Variants in PCDHA3 observed in about 807,000 individuals in gnomAD.
PCDHA3 encodes the protein protocadherin alpha 3, also known as protocadherin alpha-3.
In PCDHA3, 41 loss-of-function variants were observed where a neutral mutation model predicts 62.2. The observed-to-expected ratio is 0.66, with a 90% CI of 0.51 to 0.86. The LOEUF is 0.86. PCDHA3 is among the 40% of genes least tolerant of loss of function. The probability of loss-of-function intolerance (pLI) is 0.00; values close to 1 mark genes in which losing one functional copy is unlikely to be tolerated. For synonymous variants in PCDHA3, 640 were observed against 555.4 expected, an observed-to-expected ratio of 1.15 and a Z score of -2.14; for missense variants, 1,304 against 1,241.2, an observed-to-expected ratio of 1.05 and a Z score of -0.76.
intron 1 of PCDHA3, chr5:140,807,043 C>A: frequency 1.0e-6 from 1 of 988,306 alleles, no homozygotes. Context: ...AGGGAAAATT[C>A]CTTCTATTCT....
intron 1 of PCDHA3, chr5:140,883,816 G>A (rs1217152310): frequency 1.9e-6 from 3 of 1,612,522 alleles, no homozygotes; most frequent in Non-Finnish European, 2.5e-6. Context: ...AGAGCGGCAA[G>A]GTGTACGCGC....
At chr5:141,001,723 A>T (rs936645287) in intron 3 of PCDHA3, among the ~76,000 whole-genome samples, 1 of 152,168 alleles carries the variant, frequency 6.6e-6, no homozygotes, top group Non-Finnish European at 1.5e-5. Flanking sequence ...GGAGCTTGAG[A>T]TATTTTACAA....
At chr5:140,829,990 C>T (rs1554132444) in intron 1 of PCDHA3, 7 of 1,613,856 alleles carry the variant, frequency 4.3e-6, no homozygotes, top group Non-Finnish European at 5.9e-6. Flanking sequence ...AGATCAGCAC[C>T]ACTCGTGTCC....
In PCDHA3 at chr5:140,900,434, C is replaced by T. The variant is rs545919996; in HGVS notation, c.2395-78515C>T. On this transcript the variant is annotated intron_variant, in intron 1 of 3. Transcript: ENST00000522353. Reference sequence around the variant, plus strand: ...CTGGGATTATAGGCACGTGCCACCACGGCCGGCTAATTTTTTATTTTTAGT... The same window carrying T: ...CTGGGATTATAGGCACGTGCCACCATGGCCGGCTAATTTTTTATTTTTAGT... Among the ~76,000 whole-genome samples, 18 of 152,264 alleles carry T rather than the reference C, an allele frequency of 1.2e-4. No individual in the cohort carries two copies. The East Asian group carries it at 2.5e-3, about 21-fold the overall frequency.
intron 1 of PCDHA3, chr5:140,849,617 G>C (rs2150442549): frequency 6.3e-7 from 1 of 1,598,746 alleles, no homozygotes; most frequent in Non-Finnish European, 8.6e-7. Context: ...TGATTAGTGT[G>C]ATCGACCTAG....
intron 1 of PCDHA3, among the ~76,000 whole-genome samples, chr5:140,952,252 A>T (rs1230858145): frequency 6.6e-6 from 1 of 151,034 alleles, no homozygotes; most frequent in Admixed American, 6.6e-5. Context: ...CTGCTGGTGG[A>T]TTCCCATTCT....
intron 3 of PCDHA3, among the ~76,000 whole-genome samples, chr5:141,003,476 C>G (rs555987176): frequency 1.3e-3 from 191 of 152,130 alleles, no homozygotes; most frequent in African/African-American, 4.3e-3. Context: ...CACAGTCTCG[C>G]TAATTTTTAT....
At position 140,808,713 on chromosome 5, in the gene PCDHA3, C is replaced by T. The variant is rs538251882; in HGVS notation, c.2394+5122C>T. 1.7e-5 allele frequency: 28 copies of T among 1,612,214 alleles called. No homozygotes were observed. In the South Asian group the frequency reaches 1.9e-4, roughly 11 times the overall value. Reference sequence around the variant, plus strand: ...GAGCGCGCGCTGTCGAGCTACGTTTCGGTGCATGCGGAGAGCGGCAAGGTG... The same window carrying T: ...GAGCGCGCGCTGTCGAGCTACGTTTTGGTGCATGCGGAGAGCGGCAAGGTG... On this transcript the variant is annotated intron_variant, in intron 1 of 3. Transcript: ENST00000522353.
intron 1 of PCDHA3, among the ~76,000 whole-genome samples, chr5:140,921,468 C>T (rs886501347): frequency 3.3e-5 from 5 of 152,182 alleles, no homozygotes; most frequent in African/African-American, 1.2e-4. Flanking sequence ...GCAACCACTA[C>T]CAAACCACTC....
At chr5:140,935,850 G>A (rs2090589549) in intron 1 of PCDHA3, among the ~76,000 whole-genome samples, 1 of 149,422 alleles carries the variant, frequency 6.7e-6, no homozygotes, top group South Asian at 2.1e-4. Context: ...GCTTAATGGT[G>A]TCTTTTGATT....
intron 1 of PCDHA3, among the ~76,000 whole-genome samples, chr5:140,960,167 CTTAAG>C (rs1291277794): frequency 1.3e-5 from 2 of 152,052 alleles, no homozygotes; most frequent in Non-Finnish European, 2.9e-5. Context: ...TAATACAATT[CTTAAG>C]TTAGGGGTTG....
In PCDHA3 at chr5:140,852,924, G is replaced by T. The variant is rs1007993116; in HGVS notation, c.2394+49333G>T. On this transcript the variant is annotated intron_variant, in intron 1 of 3. Transcript: ENST00000522353. The stretch of plus-strand genomic sequence containing the variant: ...GTCAGAGTCTCGCTCTGTTGCCCAG[G>T]CTGGAGTGCAGTGGTGCCATCTTGG... 2.1e-5 allele frequency: 15 copies of T among 707,860 alleles called. 2 individuals are homozygous for T. In the African/African-American group the frequency reaches 2.9e-4, roughly 14 times the overall value. The allele number at this position is 707,860 out of a possible 1,614,324, so 43.8% of individuals were successfully genotyped here.
At chr5:140,943,356 A>G (rs965090658) in intron 1 of PCDHA3, among the ~76,000 whole-genome samples, 2 of 152,014 alleles carry the variant, frequency 1.3e-5, no homozygotes, top group Non-Finnish European at 2.9e-5. Flanking sequence ...GAGTAGAGGA[A>G]AGGAGATCAT....
intron 1 of PCDHA3, among the ~76,000 whole-genome samples, chr5:140,826,618 T>C (rs935970979): frequency 1.3e-5 from 2 of 152,148 alleles, no homozygotes; most frequent in African/African-American, 4.8e-5. Context: ...GCGAAGTTGA[T>C]ATTTGGCCCT....
At chr5:140,882,336 C>A (rs781805621) in intron 1 of PCDHA3, 31 of 1,614,044 alleles carry the variant, frequency 1.9e-5, no homozygotes, top group Non-Finnish European at 2.5e-5. Flanking sequence ...ATCCTCGCAG[C>A]CTGGGAGACG....
At chr5:140,950,219 C>G (rs1173605199) in intron 1 of PCDHA3, among the ~76,000 whole-genome samples, 4 of 151,898 alleles carry the variant, frequency 2.6e-5, no homozygotes, top group African/African-American at 9.7e-5. Flanking sequence ...TAGTCATTTA[C>G]CATTTCTAGT....
rs1554121645 is a variant in PCDHA3 at position 140,801,723 on chromosome 5, G to A, written c.526G>A (p.Glu176Lys). ...SLLTYSLDST[E>K]YFTLDVKRND... is the part of the protein sequence containing the mutation. ...GTTGACTTACAGTCTTGATTCCACT[G>A]AATATTTTACCTTGGACGTTAAAAG... The change falls in exon 1 of 4, where the codon GAA (glutamate) becomes AAA (lysine). Residue 176 changes from glutamate to lysine, a missense_variant. Coordinates refer to ENST00000522353, the MANE Select transcript of PCDHA3 (RefSeq NM_018906.3). 3 of 1,578,074 alleles carry A rather than the reference G, an allele frequency of 1.9e-6. No homozygotes were observed. The highest frequency in any genetic ancestry group is 8.7e-7 in the Non-Finnish European group (1 of 1,150,540).
At chr5:140,898,466 T>C (rs1331469917) in intron 1 of PCDHA3, among the ~76,000 whole-genome samples, 1 of 152,202 alleles carries the variant, frequency 6.6e-6, no homozygotes, top group Admixed American at 6.5e-5. Context: ...CCATTGCTTG[T>C]TTTTCTCAGG....
intron 1 of PCDHA3, among the ~76,000 whole-genome samples, chr5:140,973,856 C>G (rs1349378315): frequency 6.6e-6 from 1 of 152,166 alleles, no homozygotes; most frequent in Non-Finnish European, 1.5e-5. Context: ...CCAATTTTTG[C>G]TCTCAATGAG....
Sources: allele counts gnomAD v4.1 joint callset (sites outside exome capture counted in the v4.1 genomes callset), GRCh38; gene constraint gnomAD v4.1.1; transcripts MANE v1.5; gene names NCBI Gene and HGNC (gene_info 2026-07-23, HGNC 2026-07-21).